ABHD4: variants seen among roughly 807,000 people sequenced by gnomAD.
ABHD4 encodes the protein abhydrolase domain containing 4, N-acyl phospholipase B, also known as (Lyso)-N-acylphosphatidylethanolamine lipase.
A neutral mutation model predicts 42.3 loss-of-function variants in ABHD4; 35 were observed. That is an observed-to-expected ratio of 0.83 (90% CI 0.63 to 1.10). ABHD4 has a LOEUF of 1.10. Ranked by LOEUF, ABHD4 falls within the 50% of genes least tolerant of loss-of-function variation. ABHD4 has a pLI of 0.00. For synonymous variants in ABHD4, 169 were observed against 170.6 expected (o/e 0.99, Z 0.07); for missense variants, 389 against 454.8 (o/e 0.86, Z 1.32).
At chr14:22,606,249 C>T (rs2037347785) in intron 4 of ABHD4, among the ~76,000 whole-genome samples, 173 bp from the exon 5 acceptor site, 1 of 152,126 alleles carries the variant, frequency 6.6e-6, no homozygotes, top group Non-Finnish European at 1.5e-5. Flanking sequence ...GTCACCTGGA[C>T]CTTCCCAGTA....
Position 22,604,064 on chromosome 14 carries a change from G to A in ABHD4, c.625G>A (p.Val209Ile), listed in dbSNP as rs148427924. The A allele has an allele frequency of 1.5e-4, 249 of 1,614,100 alleles. No individual in the cohort carries two copies. The highest frequency in any genetic ancestry group is 2.0e-4 in the Non-Finnish European group (238 of 1,180,052). The change falls in exon 4 of 7, where the codon GTA becomes ATA. Residue 209 changes from valine to isoleucine, a missense_variant. Transcript: ENST00000428304. ...GRSNPLAVLRVAGPWGPGLVQ... is the reference protein window; with the variant it reads ...GRSNPLAVLRIAGPWGPGLVQ... ...TTCCAATCCATTGGCTGTTCTTCGA[G>A]TAGCTGGGCCCTGGGGTGAGTAGCC...
intron 1 of ABHD4, among the ~76,000 whole-genome samples, chr14:22,600,460 C>G (rs894205565): frequency 6.6e-6 from 1 of 152,130 alleles, no homozygotes; most frequent in African/African-American, 2.4e-5. Context: ...TAGTTGATTC[C>G]TAAGGAAACA....
At chr14:22,601,167 C>T (rs2037280795) in intron 1 of ABHD4, among the ~76,000 whole-genome samples, 1 of 152,162 alleles carries the variant, frequency 6.6e-6, no homozygotes, top group African/African-American at 2.4e-5. Context: ...GGGCACAACA[C>T]AGTATTCCAC....
At chr14:22,606,636 G>A (rs779644670) in intron 5 of ABHD4, 103 bp downstream of exon 5, 1 of 793,102 alleles carries the variant, frequency 1.3e-6, no homozygotes, top group Non-Finnish European at 2.1e-6. Context: ...ACAAAGCTCT[G>A]ACTCAGTTAG....
Position 22,603,569 on chromosome 14 carries a change from C to T in ABHD4, c.292C>T (p.His98Tyr). Residue 98 changes from histidine to tyrosine, a missense_variant, in exon 3 of 7, where the codon CAC (histidine) becomes TAC (tyrosine). Physicochemically the swap from His to Tyr is moderately conservative, Grantham distance 83. Coordinates refer to ENST00000428304, the MANE Select transcript of ABHD4 (RefSeq NM_022060.3). Reference protein sequence around the residue: ...MDSLSARRTLHTFDLLGFGRS... With the variant: ...MDSLSARRTLYTFDLLGFGRS... The stretch of plus-strand genomic sequence containing the variant: ...CTCACTGAGTGCCCGCCGCACACTG[C>T]ACACCTTCGATCTGCTTGGCTTCGG... The T allele has an allele frequency of 6.2e-7, 1 of 1,614,188 alleles. No individual in the cohort carries two copies. The highest frequency in any genetic ancestry group is 8.5e-7 in the Non-Finnish European group (1 of 1,180,036).
chr14:22,606,573 GT>G, intron 5 of ABHD4, 40 bp downstream of exon 5: 1 of 1,416,086 alleles, frequency 7.1e-7, no homozygotes, highest in Non-Finnish European at 9.9e-7. Flanking sequence ...GCAGACAGTT[GT>G]TAGGAGATAA....
At chr14:22,609,975 T>C in intron 6 of ABHD4, 65 bp downstream of exon 6, 1 of 1,497,562 alleles carries the variant, frequency 6.7e-7, no homozygotes, top group Non-Finnish European at 9.1e-7. Context: ...AGCCTTGGGG[T>C]AGAGAAGGGT....
intron 4 of ABHD4, 54 bp downstream of exon 4, chr14:22,604,133 C>G: frequency 6.3e-7 from 1 of 1,584,774 alleles, no homozygotes; most frequent in Non-Finnish European, 8.6e-7. Flanking sequence ...CTAGAAGGCC[C>G]ACAGTGTCTT....
At chr14:22,605,882 T>C in intron 4 of ABHD4, 1 of 1,257,392 alleles carries the variant, frequency 8.0e-7, no homozygotes, top group Non-Finnish European at 1.0e-6. Flanking sequence ...TATACCATAA[T>C]GAGGTGAAAC....
At chr14:22,610,621 A>G (rs2037403425) in intron 6 of ABHD4, among the ~76,000 whole-genome samples, 1 of 152,198 alleles carries the variant, frequency 6.6e-6, no homozygotes, top group Non-Finnish European at 1.5e-5. Context: ...TGAGCAGATC[A>G]GTGGTGGGGC....
intron 5 of ABHD4, among the ~76,000 whole-genome samples, chr14:22,609,094 C>A (rs1048816292): frequency 1.3e-5 from 2 of 151,548 alleles, no homozygotes; most frequent in Non-Finnish European, 2.9e-5. Flanking sequence ...GTCTCCCAGG[C>A]TCAAGCAATT....
Position 22,609,594 on chromosome 14 carries a change from A to G in ABHD4, c.753-130A>G, listed in dbSNP as rs1261438274. The G allele has an allele frequency of 2.9e-6, 3 of 1,032,122 alleles. No individual in the cohort carries two copies. In the South Asian group the frequency reaches 5.1e-5, roughly 18 times the overall value. The allele number at this position is 1,032,122 out of a possible 1,614,324, so 63.9% of individuals were successfully genotyped here. A position where few individuals can be genotyped will look rare whatever the true frequency, so the allele number is the denominator to read the frequency against. ...TTTTGGTCTTCCCCTAATCTTACCA[A>G]TATTTAATGAGCCCAGTGTGGGGCT... On this transcript the variant is annotated intron_variant, in intron 5 of 6. Coordinates refer to ENST00000428304, the MANE Select transcript of ABHD4 (RefSeq NM_022060.3).
At chr14:22,610,087 C>T (rs562946273) in intron 6 of ABHD4, among the ~76,000 whole-genome samples, 177 bp downstream of exon 6, 42 of 151,574 alleles carry the variant, frequency 2.8e-4, no homozygotes, top group African/African-American at 9.4e-4. Context: ...GATGGAGTCT[C>T]GCTATTGTTG....
intron 4 of ABHD4, chr14:22,605,987 C>A: frequency 2.0e-6 from 1 of 510,462 alleles, no homozygotes; most frequent in Non-Finnish European, 3.5e-6. Context: ...AAAATGAGAG[C>A]GCTGTCGGGA....
At chr14:22,602,074 T>C (rs1210413937) in intron 2 of ABHD4, among the ~76,000 whole-genome samples, 1 of 150,992 alleles carries the variant, frequency 6.6e-6, no homozygotes, top group Non-Finnish European at 1.5e-5. Flanking sequence ...CTCCCCCATT[T>C]CTCTCTTCCT....
rs770019775 is a variant in ABHD4 at position 22,601,659 on chromosome 14, C to T, written c.24-8C>T. 1.9e-6 allele frequency: 3 copies of T among 1,613,668 alleles called. No homozygotes were observed. The highest frequency in any genetic ancestry group is 1.7e-4 in the Middle Eastern group (1 of 6,058). Reference sequence around the variant, plus strand: ...TTGCCAATGAGTGTCTCTGTCTCCTCCTCCCAGGTCTCAAGGCTGGCTGAG... The same window carrying T: ...TTGCCAATGAGTGTCTCTGTCTCCTTCTCCCAGGTCTCAAGGCTGGCTGAG... On this transcript the variant is annotated splice_polypyrimidine_tract_variant and splice_region_variant and intron_variant, in intron 1 of 6. Coordinates refer to ENST00000428304, the MANE Select transcript of ABHD4 (RefSeq NM_022060.3).
chr14:22,600,121 A>G (rs1164235081), intron 1 of ABHD4: 1 of 455,030 alleles, frequency 2.2e-6, no homozygotes, highest in African/African-American at 2.0e-5. Context: ...GGTAGATATT[A>G]TTACCTCCCT....
At chr14:22,604,956 C>T (rs2037332490) in intron 4 of ABHD4, among the ~76,000 whole-genome samples, 1 of 152,184 alleles carries the variant, frequency 6.6e-6, no homozygotes, top group African/African-American at 2.4e-5. Context: ...GCCCAGTAAC[C>T]ACTGGATCCC....
chr14:22,599,974 T>C (rs2037263334), intron 1 of ABHD4: 1 of 289,964 alleles, frequency 3.4e-6, no homozygotes, highest in Admixed American at 4.5e-5. Context: ...TGAGAGTTGC[T>C]ACTTGCAAAA....
Sources: allele counts gnomAD v4.1 joint callset (sites outside exome capture counted in the v4.1 genomes callset), GRCh38; gene constraint gnomAD v4.1.1; transcripts MANE v1.5; gene names NCBI Gene and HGNC (gene_info 2026-07-23, HGNC 2026-07-21).